Variants in QSOX2 observed in about 807,000 individuals in gnomAD.
QSOX2 encodes the protein sulfhydryl oxidase 2.
QSOX2 carries 46 observed loss-of-function variants against 61.7 expected under a neutral mutation model. The ratio of observed to expected loss-of-function variants is 0.75; its 90% confidence interval spans 0.59 to 0.95. QSOX2 has a LOEUF of 0.95. QSOX2 is among the 40% of genes least tolerant of loss of function. The pLI is 0.00. For missense variants in QSOX2, 879 were observed against 918.9 expected, an observed-to-expected ratio of 0.96 and a Z score of 0.56; for synonymous variants, 383 against 388.4, an observed-to-expected ratio of 0.99 and a Z score of 0.16.
At chr9:136,239,281 C>T (rs1013948289) in intron 1 of QSOX2, among the ~76,000 whole-genome samples, 5 of 152,188 alleles carry the variant, frequency 3.3e-5, no homozygotes, top group African/African-American at 1.2e-4. Flanking sequence ...CTCCTGGGCT[C>T]GAGTGATCTT....
chr9:136,227,938 G>GGA, intron 1 of QSOX2, among the ~76,000 whole-genome samples: 1 of 152,228 alleles, frequency 6.6e-6, no homozygotes, highest in East Asian at 1.9e-4. Flanking sequence ...GGCGACAGGG[G>GGA]GAGGCTCCAC....
intron 1 of QSOX2, among the ~76,000 whole-genome samples, chr9:136,242,288 T>A (rs1357456276): frequency 6.6e-6 from 1 of 152,276 alleles, no homozygotes; most frequent in Non-Finnish European, 1.5e-5. Context: ...CCCTGGCCTG[T>A]CCTGCTCCTT....
chr9:136,239,889 A>G (rs1201546662), intron 1 of QSOX2, among the ~76,000 whole-genome samples: 1 of 152,286 alleles, frequency 6.6e-6, no homozygotes, highest in African/African-American at 2.4e-5. Flanking sequence ...GACGGTATTC[A>G]TGGCAACACA....
chr9:136,231,875 G>A (rs1274801818), intron 1 of QSOX2, among the ~76,000 whole-genome samples: 5 of 147,112 alleles, frequency 3.4e-5, no homozygotes, highest in East Asian at 2.0e-4. Context: ...CCGGCAATCC[G>A]CCCCCTCCAC....
At chr9:136,217,702 C>T (rs981904436) in intron 8 of QSOX2, among the ~76,000 whole-genome samples, 25 of 152,232 alleles carry the variant, frequency 1.6e-4, no homozygotes, top group Admixed American at 3.9e-4. Flanking sequence ...GCAGGTCTGC[C>T]TAGCGACAGC....
intron 1 of QSOX2, among the ~76,000 whole-genome samples, chr9:136,235,034 C>T (rs1830368843): frequency 1.3e-5 from 2 of 152,226 alleles, no homozygotes; most frequent in Admixed American, 6.5e-5. Flanking sequence ...CCGCCCATGG[C>T]CCATGCTCAG....
chr9:136,211,537 C>T (rs1831846336), intron 10 of QSOX2, 85 bp from the exon 11 acceptor site: 6 of 1,405,714 alleles, frequency 4.3e-6, no homozygotes, highest in Non-Finnish European at 9.8e-7. Context: ...TGGGGGGAAA[C>T]CGCTCCTGAC....
chr9:136,210,383 C>A, intron 11 of QSOX2: 1 of 985,438 alleles, frequency 1.0e-6, no homozygotes, highest in South Asian at 4.7e-5. Flanking sequence ...GGGGCACATG[C>A]GGGCTGGGGC....
At chr9:136,210,122 G>A (rs1831827674) in intron 11 of QSOX2, 1 of 985,486 alleles carries the variant, frequency 1.0e-6, no homozygotes, top group Non-Finnish European at 1.2e-6. Context: ...AGCAGGTGCT[G>A]CACACGAAGC....
At chr9:136,245,390 G>A (rs1554758361) in intron 1 of QSOX2, 86 bp downstream of exon 1, 1 of 1,169,822 alleles carries the variant, frequency 8.5e-7, no homozygotes, top group African/African-American at 1.6e-5. Context: ...GGGGCCCCGG[G>A]ACCCGCCTTC....
At chr9:136,216,452 T>TGTA in intron 9 of QSOX2, 148 bp downstream of exon 9, 1 of 1,088,840 alleles carries the variant, frequency 9.2e-7, no homozygotes. Context: ...GCCATGGCCA[T>TGTA]GATGCTGTCG....
At position 136,238,875 on chromosome 9, in the gene QSOX2, G is replaced by A. The variant is rs191705990; in HGVS notation, c.328+6601C>T. The stretch of plus-strand genomic sequence containing the variant: ...AGACCCTATCAAAGTCCTTTTAGCC[G>A]GGCGTGGTGGTACCTGCCCATCGTC... On this transcript the variant is annotated intron_variant, in intron 1 of 11. Coordinates refer to ENST00000358701, the MANE Select transcript of QSOX2 (RefSeq NM_181701.4). Among the ~76,000 whole-genome samples the A allele has an allele frequency of 1.5e-4, 23 of 152,348 alleles. No homozygotes were observed. The East Asian group carries it at 4.2e-3, about 28-fold the overall frequency.
chr9:136,210,262 T>C (rs745426168), intron 11 of QSOX2: 43 of 985,488 alleles, frequency 4.4e-5, no homozygotes, highest in Non-Finnish European at 5.2e-5. Flanking sequence ...TCCCAGGAGC[T>C]TGGGTCTCAA....
At position 136,218,795 on chromosome 9, in the gene QSOX2, T is replaced by C. The variant is rs1277150902; in HGVS notation, c.970A>G (p.Thr324Ala). 11 of 1,613,420 alleles carry C rather than the reference T, an allele frequency of 6.8e-6. No individual in the cohort carries two copies. Among genetic ancestry groups the C allele is most frequent in the Non-Finnish European group, 9.3e-6 (11 of 1,179,942 alleles). The change falls in exon 8 of 12, where the codon ACG becomes GCG. Residue 324 changes from threonine to alanine, a missense_variant. Transcript: ENST00000358701. The stretch of plus-strand genomic sequence containing the variant: ...TGTAGCCCTGACTCCAGGTCCACCG[T>C]GTACAGCTTCGACCTAGGACGGGAT... ...WREFDKSKLY[T>A]VDLESGLHYL...
intron 1 of QSOX2, among the ~76,000 whole-genome samples, chr9:136,229,730 G>T (rs952579972): frequency 6.6e-6 from 1 of 152,204 alleles, no homozygotes; most frequent in Non-Finnish European, 1.5e-5. Flanking sequence ...TGGTTTCTCA[G>T]ATTTGTCTTA....
In QSOX2 at chr9:136,221,850, G is replaced by A. The variant is rs1359068493; in HGVS notation, c.767C>T (p.Ser256Leu). The stretch of plus-strand genomic sequence containing the variant: ...GTAGATCAGGTAACACGAAGGGACT[G>A]AAGAAACACCAAGTTTCTCCAGAAA... ...KAFLEKLGVS[S>L]VPSCYLIYPN... Residue 256 changes from serine (S) to leucine (L), a missense_variant, in exon 6 of 12, where the codon TCA becomes TTA. Coordinates refer to ENST00000358701, the MANE Select transcript of QSOX2 (RefSeq NM_181701.4). The surrounding 1 kb of genome is among the most constrained non-coding windows in gnomAD (Gnocchi z 4.5). The A allele has an allele frequency of 3.1e-6, 5 of 1,612,810 alleles. No individual in the cohort carries two copies. The highest frequency in any genetic ancestry group is 2.2e-5 in the South Asian group (2 of 90,704).
intron 1 of QSOX2, among the ~76,000 whole-genome samples, chr9:136,228,783 T>C (rs1008549807): frequency 1.3e-5 from 2 of 152,262 alleles, no homozygotes; most frequent in Non-Finnish European, 2.9e-5. Flanking sequence ...GAGGGAACGT[T>C]ATGTCTGCCT....
At chr9:136,224,280 G>A (rs1219483402) in intron 3 of QSOX2, among the ~76,000 whole-genome samples, 168 bp from the exon 4 acceptor site, 3 of 152,244 alleles carry the variant, frequency 2.0e-5, no homozygotes, top group Non-Finnish European at 2.9e-5. Context: ...ACCCACAGGC[G>A]TGGTACAGAC....
In QSOX2 at chr9:136,207,331, T is replaced by C. The variant is rs1831777894; in HGVS notation, c.*1397A>G. ...CATAAAGTAGGCAAAGCGGAAAAAA[T>C]ATCTACAACCGTCAAAGTCTCTCTC... On this transcript the variant is annotated 3_prime_UTR_variant, in exon 12 of 12. Coordinates refer to ENST00000358701, the MANE Select transcript of QSOX2 (RefSeq NM_181701.4). The C allele has an allele frequency of 1.3e-5, 2 of 150,242 alleles. No homozygotes were observed. The highest frequency in any genetic ancestry group is 3.0e-5 in the Non-Finnish European group (2 of 67,796). 9.3% of individuals were successfully genotyped at this position (150,242 alleles called of 1,614,324 possible). A position where few individuals can be genotyped will look rare whatever the true frequency, so the allele number is the denominator to read the frequency against.
Sources: gnomAD v4.1 joint callset for allele counts (sites outside exome capture counted in the v4.1 genomes callset) on GRCh38, gnomAD v4.1.1 for gene constraint, Gnocchi (gnomAD v3.1) non-coding constraint, MANE v1.5 for transcripts, NCBI Gene and HGNC (gene_info 2026-07-23, HGNC 2026-07-21) for gene names.